Variants in TDP1 observed in about 807,000 individuals in gnomAD.
TDP1 encodes tyr-DNA phosphodiesterase 1.
TDP1 carries 64 observed loss-of-function variants against 81.5 expected under a neutral mutation model. The ratio of observed to expected loss-of-function variants is 0.79; its 90% confidence interval spans 0.64 to 0.97. The LOEUF (loss-of-function observed/expected upper bound fraction) is 0.97. TDP1 is among the 50% of genes least tolerant of loss of function. The pLI, the probability that TDP1 is intolerant of heterozygous loss-of-function variation, is 0.00. For synonymous variants in TDP1, 256 were observed against 264.3 expected (o/e 0.97, Z 0.30); for missense variants, 723 against 743.8 (o/e 0.97, Z 0.33).
At chr14:89,976,478 A>G (rs887184783) in intron 7 of TDP1, among the ~76,000 whole-genome samples, 2 of 124,564 alleles carry the variant, frequency 1.6e-5, no homozygotes, top group African/African-American at 6.2e-5. Context: ...ATTCACCACT[A>G]CCCCCTCGCT....
intron 2 of TDP1, among the ~76,000 whole-genome samples, chr14:89,959,438 G>A (rs1022055601): frequency 6.6e-6 from 1 of 152,246 alleles, no homozygotes; most frequent in East Asian, 1.9e-4. Context: ...TTTACTAGCA[G>A]TTCTTTTCCA....
At chr14:90,026,568 A>G (rs954116886) in intron 15 of TDP1, among the ~76,000 whole-genome samples, 13 of 152,128 alleles carry the variant, frequency 8.5e-5, no homozygotes, top group Non-Finnish European at 1.3e-4. Flanking sequence ...CCATTAACTC[A>G]TCATTTACAT....
chr14:89,978,029 G>A (rs1452223989), intron 7 of TDP1, among the ~76,000 whole-genome samples: 1 of 152,206 alleles, frequency 6.6e-6, no homozygotes, highest in Non-Finnish European at 1.5e-5. Flanking sequence ...CCAGATCCAG[G>A]TGGTGGCCAG....
chr14:89,963,597 G>A lies in TDP1; in HGVS notation c.483G>A (p.Gly161=). The stretch of plus-strand genomic sequence containing the variant: ...ACATTTGGGACATGCTGGATAAAGG[G>A]AACCCCTTCCAGTTTTACCTCACTA... ...GQDIWDMLDK[G]NPFQFYLTRV... is the part of the protein sequence containing the mutation. Residue 161 remains glycine, a synonymous_variant, in exon 3 of 17, where the codon GGG becomes GGA. Coordinates refer to ENST00000335725, the MANE Select transcript of TDP1 (RefSeq NM_018319.4). 1 of 1,614,092 alleles carries A rather than the reference G, an allele frequency of 6.2e-7. No homozygotes were observed. Among genetic ancestry groups the A allele is most frequent in the Non-Finnish European group, 8.5e-7 (1 of 1,179,980 alleles).
intron 16 of TDP1, among the ~76,000 whole-genome samples, chr14:90,036,710 A>G (rs1887849637): frequency 6.6e-6 from 1 of 152,152 alleles, no homozygotes; most frequent in African/African-American, 2.4e-5. Flanking sequence ...GACAGGCACA[A>G]ATCCTTACTC....
rs1002923251 is a variant in TDP1, at chr14:89,999,107, A to G, written c.1541+5624A>G. 5.9e-5 allele frequency among the ~76,000 whole-genome samples: 9 copies of G among 152,176 alleles called. No individual in the cohort carries two copies. The East Asian group carries it at 1.3e-3, about 23-fold the overall frequency. Reference sequence around the variant, plus strand: ...CAGGGCACTATTGTTATTTTGGTCAAGATAATTTTTTGTTATACAAGATTG... The same window carrying G: ...CAGGGCACTATTGTTATTTTGGTCAGGATAATTTTTTGTTATACAAGATTG... On this transcript the variant is annotated intron_variant, in intron 14 of 16. Coordinates refer to ENST00000335725, the MANE Select transcript of TDP1 (RefSeq NM_018319.4).
intron 15 of TDP1, among the ~76,000 whole-genome samples, chr14:90,031,907 A>G (rs1236950036): frequency 3.3e-5 from 5 of 152,202 alleles, no homozygotes; most frequent in Admixed American, 1.3e-4. Context: ...TAGGCCTGCT[A>G]TTCTCTTATG....
intron 16 of TDP1, among the ~76,000 whole-genome samples, chr14:90,037,878 T>C (rs1264377349): frequency 1.3e-5 from 2 of 152,212 alleles, no homozygotes; most frequent in Non-Finnish European, 2.9e-5. Context: ...TTAGTCTCCA[T>C]TAATTTGGAA....
At chr14:89,974,848 C>T (rs1566860107) in intron 6 of TDP1, among the ~76,000 whole-genome samples, 1 of 152,200 alleles carries the variant, frequency 6.6e-6, no homozygotes, top group African/African-American at 2.4e-5. Context: ...TAAACTCTTT[C>T]ATAATCTGCA....
Position 89,971,199 on chromosome 14 carries a change from T to C in TDP1, c.684T>C (p.His228=). The change falls in exon 6 of 17, where the codon CAT becomes CAC. Residue 228 remains histidine (H), a synonymous_variant. Transcript: ENST00000335725. ...EFRKKPILLV[H]GDKREAKAHL... is the part of the protein sequence containing the mutation. ...GGAAGAAGCCAATCCTGCTTGTGCATGGTGATAAGCGAGAGGCTAAGGCTC... is the reference window on the plus strand; with the variant it reads ...GGAAGAAGCCAATCCTGCTTGTGCACGGTGATAAGCGAGAGGCTAAGGCTC... The C allele has an allele frequency of 6.2e-7, 1 of 1,614,056 alleles. No homozygotes were observed. Among genetic ancestry groups the C allele is most frequent in the Non-Finnish European group, 8.5e-7 (1 of 1,179,932 alleles).
chr14:90,003,797 C>G (rs950376911), intron 14 of TDP1, among the ~76,000 whole-genome samples: 8 of 152,226 alleles, frequency 5.3e-5, no homozygotes, highest in African/African-American at 1.9e-4. Context: ...TGCTTGACTG[C>G]AAAATCACTG....
intron 8 of TDP1, 94 bp downstream of exon 8, chr14:89,980,726 T>A (rs1894882760): frequency 1.8e-6 from 2 of 1,084,482 alleles, no homozygotes; most frequent in Non-Finnish European, 2.7e-6. Context: ...ATTTTTTTTT[T>A]AAGTTGTAAA....
At chr14:89,993,796 A>C (rs1179380538) in intron 14 of TDP1, among the ~76,000 whole-genome samples, 1 of 152,224 alleles carries the variant, frequency 6.6e-6, no homozygotes, top group East Asian at 1.9e-4. Flanking sequence ...AAGAATAATG[A>C]AATGTTAAAA....
intron 14 of TDP1, among the ~76,000 whole-genome samples, chr14:90,016,926 G>A (rs1189688359): frequency 1.3e-5 from 2 of 152,104 alleles, no homozygotes; most frequent in Non-Finnish European, 2.9e-5. Context: ...CCCCTCTTTA[G>A]TGATGAAGCA....
intron 3 of TDP1, chr14:89,965,892 A>T: frequency 2.0e-6 from 2 of 982,610 alleles, no homozygotes; most frequent in Admixed American, 6.1e-5. Flanking sequence ...AAACTTGATC[A>T]ATCATTCAGT....
At chr14:90,015,029 A>G (rs74351311) in intron 14 of TDP1, among the ~76,000 whole-genome samples, 3,187 of 152,252 alleles carry the variant, frequency 0.021, 106 homozygotes, top group African/African-American at 0.072. Flanking sequence ...ACATCACTGG[A>G]GGGGAACACT....
intron 10 of TDP1, among the ~76,000 whole-genome samples, chr14:89,986,091 A>G (rs945251642): frequency 1.2e-4 from 19 of 152,356 alleles, no homozygotes; most frequent in Middle Eastern, 6.8e-3. Context: ...TCCATAAACT[A>G]TTTAAAGTCT....
chr14:89,981,080 C>T (rs1894918465), intron 8 of TDP1, among the ~76,000 whole-genome samples: 1 of 152,154 alleles, frequency 6.6e-6, no homozygotes, highest in South Asian at 2.1e-4. Context: ...ACTCATGTAC[C>T]CACCTGTATT....
intron 14 of TDP1, among the ~76,000 whole-genome samples, chr14:90,002,706 CA>C (rs1393610222): frequency 0.051 from 5,368 of 105,010 alleles, 307 homozygotes; most frequent in African/African-American, 0.16. Flanking sequence ...CCCATCTCTA[CA>C]AAAAAAAAAA....
Sources: allele counts gnomAD v4.1 joint callset (sites outside exome capture counted in the v4.1 genomes callset), GRCh38; gene constraint gnomAD v4.1.1; transcripts MANE v1.5; gene names NCBI Gene and HGNC (gene_info 2026-07-23, HGNC 2026-07-21).